Variants in DAW1 observed in about 807,000 individuals in gnomAD.
The protein encoded by DAW1 is dynein assembly factor with WD repeats 1.
Under a neutral mutation model 56.5 loss-of-function variants are expected in DAW1, and 47 were observed. The ratio of observed to expected loss-of-function variants is 0.83; its 90% confidence interval spans 0.66 to 1.06. DAW1 has a LOEUF of 1.06. Ranked by LOEUF, DAW1 falls within the 50% of genes least tolerant of loss-of-function variation. The probability of loss-of-function intolerance (pLI) is 0.00; values close to 1 mark genes in which losing one functional copy is unlikely to be tolerated. For missense variants in DAW1, 505 were observed against 499.3 expected (o/e 1.01, Z -0.11); for synonymous variants, 190 against 179.0 (o/e 1.06, Z -0.49).
In DAW1 at chr2:227,893,111, T is replaced by TA. The variant is rs1304775284; in HGVS notation, c.318-673dup. 4.6e-3 allele frequency among the ~76,000 whole-genome samples: 663 copies of TA among 144,362 alleles called. 7 individuals are homozygous for TA. The highest frequency in any genetic ancestry group is 0.015 in the African/African-American group (579 of 39,016). The allele number at this position is 144,362 out of a possible 152,430, so 94.7% of individuals were successfully genotyped here. A position where few individuals can be genotyped will look rare whatever the true frequency, so the allele number is the denominator to read the frequency against. On this transcript the variant is annotated intron_variant, in intron 4 of 12. Coordinates refer to ENST00000309931, the MANE Select transcript of DAW1 (RefSeq NM_178821.3). Reference sequence around the variant, plus strand: ...AGTGAAACCCCATCTCTACTAAAAATAAAAAAAAAAATTAGACAGGCATGG... The same window carrying TA: ...AGTGAAACCCCATCTCTACTAAAAATAAAAAAAAAAAATTAGACAGGCATGG...
chr2:227,902,895 A>T, intron 6 of DAW1, 107 bp from the exon 7 acceptor site: 1 of 1,164,234 alleles, frequency 8.6e-7, no homozygotes. Context: ...TTGTACAAAG[A>T]ATTAGATGGA....
chr2:227,892,592 G>C (rs927869053), intron 4 of DAW1, among the ~76,000 whole-genome samples: 12 of 152,160 alleles, frequency 7.9e-5, no homozygotes, highest in African/African-American at 2.9e-4. Flanking sequence ...TTGCAAATGC[G>C]AGTTTGCATC....
At chr2:227,919,528 C>T (rs1169139820) in intron 11 of DAW1, among the ~76,000 whole-genome samples, 1 of 152,064 alleles carries the variant, frequency 6.6e-6, no homozygotes, top group Non-Finnish European at 1.5e-5. Flanking sequence ...ATATGCTGGG[C>T]AGCAAGTATC....
At chr2:227,904,373 T>C (rs1302217174) in intron 7 of DAW1, among the ~76,000 whole-genome samples, 2 of 152,174 alleles carry the variant, frequency 1.3e-5, no homozygotes, top group African/African-American at 4.8e-5. Flanking sequence ...GAGAGTGGTT[T>C]CTTCCCATTA....
intron 2 of DAW1, among the ~76,000 whole-genome samples, chr2:227,889,234 A>T (rs556209797): frequency 2.6e-5 from 4 of 152,344 alleles, no homozygotes; most frequent in African/African-American, 9.6e-5. Flanking sequence ...TTGTGCTGCC[A>T]TAAAAAGAAA....
intron 7 of DAW1, among the ~76,000 whole-genome samples, chr2:227,904,488 T>G (rs2106204900): frequency 6.6e-6 from 1 of 152,308 alleles, no homozygotes; most frequent in African/African-American, 2.4e-5. Context: ...AATAATTTCC[T>G]TTTTAAAAGT....
chr2:227,908,046 A>G (rs1409952275), intron 10 of DAW1, among the ~76,000 whole-genome samples: 1 of 152,154 alleles, frequency 6.6e-6, no homozygotes, highest in Non-Finnish European at 1.5e-5. Flanking sequence ...GTGTCATCTT[A>G]TTGATAACCA....
intron 11 of DAW1, among the ~76,000 whole-genome samples, chr2:227,919,618 A>G (rs1440700568): frequency 6.6e-6 from 1 of 152,234 alleles, no homozygotes; most frequent in Non-Finnish European, 1.5e-5. Context: ...AAATTATAAA[A>G]TTATCCATTT....
At chr2:227,902,321 C>T (rs1463349287) in intron 6 of DAW1, among the ~76,000 whole-genome samples, 2 of 152,028 alleles carry the variant, frequency 1.3e-5, no homozygotes, top group East Asian at 3.9e-4. Context: ...TAGGGGCTAA[C>T]AGTGTCGAGG....
intron 1 of DAW1, among the ~76,000 whole-genome samples, chr2:227,876,677 C>T (rs1400515014): frequency 6.6e-6 from 1 of 152,212 alleles, no homozygotes; most frequent in African/African-American, 2.4e-5. Flanking sequence ...CTGCTATCTA[C>T]TGAATTATCC....
intron 10 of DAW1, among the ~76,000 whole-genome samples, chr2:227,913,343 C>A (rs1691874822): frequency 6.6e-6 from 1 of 152,118 alleles, no homozygotes; most frequent in South Asian, 2.1e-4. Context: ...CCTTTATAAC[C>A]ATGTGTTATA....
intron 12 of DAW1, 28 bp downstream of exon 12, chr2:227,921,589 C>T (rs1692113179): frequency 6.3e-7 from 1 of 1,586,128 alleles, no homozygotes; most frequent in Non-Finnish European, 8.6e-7. Flanking sequence ...ACCATAGACT[C>T]ATTTTTTCTT....
intron 10 of DAW1, among the ~76,000 whole-genome samples, chr2:227,917,102 A>G (rs1190861383): frequency 6.6e-6 from 1 of 151,530 alleles, no homozygotes; most frequent in Admixed American, 6.6e-5. Flanking sequence ...CCTCATGACC[A>G]TGCATGACAG....
chr2:227,891,836 A>C (rs926819689), intron 4 of DAW1, among the ~76,000 whole-genome samples: 1 of 152,236 alleles, frequency 6.6e-6, no homozygotes, highest in African/African-American at 2.4e-5. Context: ...AGGTAGCACA[A>C]ACTGAGTGGC....
At chr2:227,901,483 A>G (rs1691544412) in intron 6 of DAW1, among the ~76,000 whole-genome samples, 1 of 152,206 alleles carries the variant, frequency 6.6e-6, no homozygotes, top group Admixed American at 6.5e-5. Flanking sequence ...AGTAGAAACC[A>G]ATGAGCAATT....
At chr2:227,893,635 G>T (rs1559306322) in intron 4 of DAW1, among the ~76,000 whole-genome samples, 160 bp from the exon 5 acceptor site, 1 of 152,084 alleles carries the variant, frequency 6.6e-6, no homozygotes, top group Non-Finnish European at 1.5e-5. Context: ...TCACGCCATT[G>T]CACTCCAGCC....
chr2:227,914,827 A>T (rs184566694), intron 10 of DAW1, among the ~76,000 whole-genome samples: 17 of 152,250 alleles, frequency 1.1e-4, no homozygotes, highest in African/African-American at 1.4e-4. Context: ...ATAATGTCGT[A>T]CTAATATATG....
intron 1 of DAW1, among the ~76,000 whole-genome samples, chr2:227,883,931 G>A (rs1297537157): frequency 6.6e-6 from 1 of 152,082 alleles, no homozygotes; most frequent in Non-Finnish European, 1.5e-5. Flanking sequence ...AAAACTCTTT[G>A]GTGTCCTAAA....
chr2:227,908,680 A>G (rs185255734), intron 10 of DAW1, among the ~76,000 whole-genome samples: 1 of 152,334 alleles, frequency 6.6e-6, no homozygotes, highest in African/African-American at 2.4e-5. Flanking sequence ...TATCTCCCTG[A>G]CAATTTCCTA....
Sources: allele counts gnomAD v4.1 joint callset (sites outside exome capture counted in the v4.1 genomes callset), GRCh38; gene constraint gnomAD v4.1.1; transcripts MANE v1.5; gene names NCBI Gene and HGNC (gene_info 2026-07-23, HGNC 2026-07-21).